RIN1: variants seen among roughly 807,000 people sequenced by gnomAD.
RIN1 encodes the protein ras inhibitor 1.
A neutral mutation model predicts 64.9 loss-of-function variants in RIN1; 52 were observed. The observed-to-expected ratio is 0.80, with a 90% CI of 0.64 to 1.01. The LOEUF is 1.01. Ranked by LOEUF, RIN1 falls within the 50% of genes least tolerant of loss-of-function variation. RIN1 has a pLI of 0.00. For missense variants in RIN1, 1,040 were observed against 1,064.5 expected (o/e 0.98, Z 0.32); for synonymous variants, 486 against 483.6 (o/e 1.00, Z -0.06).
chr11:66,333,860 G>C, intron 7 of RIN1, 59 bp downstream of exon 7: 1 of 1,457,300 alleles, frequency 6.9e-7, no homozygotes, highest in East Asian at 2.5e-5. Context: ...ACCTGCCGCT[G>C]GGGGGCCCGC....
chr11:66,331,914 T>A lies in RIN1; in HGVS notation c.*362A>T, dbSNP rs1854740275. 1 of 287,976 alleles carries A rather than the reference T, an allele frequency of 3.5e-6. No individual in the cohort carries two copies. Among genetic ancestry groups the A allele is most frequent in the Non-Finnish European group, 6.6e-6 (1 of 151,728 alleles). The allele number at this position is 287,976 out of a possible 1,614,324, so 17.8% of individuals were successfully genotyped here. ...CTTGGGTGGAGCCCTGCCTCAGCCATGCCCATGAGGGGAAGGGTAAAAGGA... is the reference window on the plus strand; with the variant it reads ...CTTGGGTGGAGCCCTGCCTCAGCCAAGCCCATGAGGGGAAGGGTAAAAGGA... On this transcript the variant is annotated 3_prime_UTR_variant, in exon 10 of 10. Coordinates refer to ENST00000311320, the MANE Select transcript of RIN1 (RefSeq NM_004292.3).
chr11:66,332,721 C>G lies in RIN1; in HGVS notation c.1907G>C (p.Ser636Thr). 1 of 1,525,536 alleles carries G rather than the reference C, an allele frequency of 6.6e-7. No individual in the cohort carries two copies. Among genetic ancestry groups the G allele is most frequent in the Non-Finnish European group, 8.8e-7 (1 of 1,137,694 alleles). 94.5% of individuals were successfully genotyped at this position (1,525,536 alleles called of 1,614,324 possible). ...HLLRVAYQDPSSGCTSKTLAV... is the reference protein window; with the variant it reads ...HLLRVAYQDPTSGCTSKTLAV... ...CAGGGTCTTGGAGGTGCAGCCACTG[C>G]TGGGATCCTGATAGGCTACTCGGAG... Residue 636 changes from serine (S) to threonine (T), a missense_variant, in exon 10 of 10, where the codon AGC becomes ACC. Transcript: ENST00000311320.
rs748357886 is a variant in RIN1, at chr11:66,335,109, C to T, written c.690G>A (p.Pro230=). 3.3e-5 allele frequency: 51 copies of T among 1,534,056 alleles called. No individual in the cohort carries two copies. The highest frequency in any genetic ancestry group is 1.8e-4 in the Middle Eastern group (1 of 5,698). ...AALCFFNPLF[P]GDLGPTKREK... ...CCCGCTTGGTGGGCCCTAGGTCCCC[C>T]GGGAACAGGGGGTTGAAGAAGCACA... The change falls in exon 6 of 10, where the codon CCG becomes CCA. Residue 230 remains proline (P), a synonymous_variant. Coordinates refer to ENST00000311320, the MANE Select transcript of RIN1 (RefSeq NM_004292.3).
rs952951484 is a variant in RIN1 at position 66,331,711 on chromosome 11, AGTG to A, written c.*562_*564del. ...TCTGGGAGCCGAGCAGGGCAGCAAT[AGTG>A]TCCCCACTTTACAGATGAGAGTACT... On this transcript the variant is annotated 3_prime_UTR_variant, in exon 10 of 10. Coordinates refer to ENST00000311320, the MANE Select transcript of RIN1 (RefSeq NM_004292.3). 6.5e-6 allele frequency: 1 copy of A among 153,120 alleles called. No homozygotes were observed. The highest frequency in any genetic ancestry group is 2.4e-5 in the African/African-American group (1 of 41,446). 9.5% of individuals were successfully genotyped at this position (153,120 alleles called of 1,614,324 possible).
chr11:66,336,197 GC>G (rs1401323556), intron 1 of RIN1, 39 bp from the exon 2 acceptor site: 1 of 1,477,054 alleles, frequency 6.8e-7, no homozygotes, highest in Admixed American at 2.2e-5. Context: ...GGAGCCAGGG[GC>G]TGGGACCCTT....
intron 1 of RIN1, 41 bp downstream of exon 1, chr11:66,336,276 C>T (rs1477788083): frequency 6.4e-7 from 1 of 1,564,290 alleles, no homozygotes; most frequent in Admixed American, 1.8e-5. Context: ...CTCTCGCAGC[C>T]CCTCCCTGCC....
upstream of RIN1, chr11:66,336,474 C>A: frequency 7.4e-7 from 1 of 1,358,904 alleles, no homozygotes; most frequent in Non-Finnish European, 1.0e-6. Context: ...CAGTGAGTAA[C>A]ACTTCCTGAG....
chr11:66,336,438 G>C (rs1555014094), upstream of RIN1: 2 of 1,583,992 alleles, frequency 1.3e-6, no homozygotes, highest in Non-Finnish European at 1.7e-6. Flanking sequence ...AGAGAATCCA[G>C]TCCCAAGGCA....
Position 66,333,313 on chromosome 11 carries a change from C to T in RIN1, c.1820G>A (p.Arg607Gln), listed in dbSNP as rs756350676. 112 of 1,612,780 alleles carry T rather than the reference C, an allele frequency of 6.9e-5. No homozygotes were observed. Among genetic ancestry groups the T allele is most frequent in the Admixed American group, 1.0e-4 (6 of 59,982 alleles). The change falls in exon 9 of 10, where the codon CGG (arginine) becomes CAG (glutamine). Residue 607 changes from arginine to glutamine, a missense_variant. Transcript: ENST00000311320. ...TLPLSPVQEL[R>Q]RSLSLWEQRR... ...CTGCTCCCAGAGGCTGAGGGAGCGC[C>T]GTAGCTCCTGCACGGGGCTCAGTGG... is the stretch of plus-strand genomic sequence containing the variant.
At position 66,333,993 on chromosome 11, in the gene RIN1, T is replaced by C; in HGVS notation, c.1517A>G (p.Tyr506Cys). Residue 506 changes from tyrosine to cysteine, a missense_variant, in exon 7 of 10, where the codon TAC becomes TGC. Transcript: ENST00000311320. The part of the protein sequence containing the change: ...RQKLLQLLRT[Y>C]SPSAQVKRLL... ...CCGCTTGACCTGGGCGCTGGGTGAG[T>C]AGGTGCGGAGCAGCTGCAGCAGCTT... 6.4e-7 allele frequency: 1 copy of C among 1,563,372 alleles called. No homozygotes were observed. The highest frequency in any genetic ancestry group is 1.2e-5 in the South Asian group (1 of 85,048).
Position 66,335,965 on chromosome 11 carries a change from G to A in RIN1, c.267+13C>T. ...CTGGCTGGCCAGTCCCTGGAGTGTG[G>A]GGCAAGACTCACCCCCGGGGGCTCG... On this transcript the variant is annotated intron_variant, in intron 2 of 9. Transcript: ENST00000311320. The A allele has an allele frequency of 6.8e-7, 1 of 1,481,228 alleles. No individual in the cohort carries two copies. Among genetic ancestry groups the A allele is most frequent in the Non-Finnish European group, 9.0e-7 (1 of 1,115,440 alleles). 91.8% of individuals were successfully genotyped at this position (1,481,228 alleles called of 1,614,324 possible).
chr11:66,335,982 G>A lies in RIN1; in HGVS notation c.263C>T (p.Pro88Leu), dbSNP rs200057399. ...AALHMLRTEP[P>L]GTFLVRKSNT... ...GGAGTGTGGGGCAAGACTCACCCCC[G>A]GGGGCTCGGTCCTCAGCATGTGCAG... Residue 88 changes from proline to leucine, a missense_variant, in exon 2 of 10, where the codon CCG becomes CTG. Coordinates refer to ENST00000311320, the MANE Select transcript of RIN1 (RefSeq NM_004292.3). 2.0e-4 allele frequency: 292 copies of A among 1,474,764 alleles called. 1 individual carries two copies. In the African/African-American group the frequency reaches 2.8e-3, roughly 14 times the overall value. 91.4% of individuals were successfully genotyped at this position (1,474,764 alleles called of 1,614,324 possible).
chr11:66,333,151 A>AAAG, intron 9 of RIN1, 107 bp downstream of exon 9: 2 of 1,378,652 alleles, frequency 1.5e-6, no homozygotes, highest in Non-Finnish European at 2.0e-6. Flanking sequence ...CAGAGCCAGG[A>AAAG]TTAGAACCCA....
chr11:66,332,885 C>A, intron 9 of RIN1, 133 bp from the exon 10 acceptor site: 6 of 734,248 alleles, frequency 8.2e-6, no homozygotes, highest in Non-Finnish European at 1.3e-5. Flanking sequence ...GAGAACCAAG[C>A]GGCAAAAGCT....
chr11:66,335,747 A>G lies in RIN1; in HGVS notation c.382+15T>C, dbSNP rs1361908162. On this transcript the variant is annotated intron_variant, in intron 3 of 9. Transcript: ENST00000311320. Reference sequence around the variant, plus strand: ...TCCCTGCTTCCAGCCCCTTCCCGCCAGGCCAGCCCCTCACCGCCAGGGCTC... The same window carrying G: ...TCCCTGCTTCCAGCCCCTTCCCGCCGGGCCAGCCCCTCACCGCCAGGGCTC... 2.5e-6 allele frequency: 4 copies of G among 1,611,046 alleles called. No homozygotes were observed. Among genetic ancestry groups the G allele is most frequent in the Non-Finnish European group, 3.4e-6 (4 of 1,178,878 alleles).
rs1478085789 is a variant in RIN1, at chr11:66,331,759, C to T, written c.*517G>A. ...AGTACTGAGGCTTGCAGGTGCAGGT[C>T]CTTCTGGTGTCCAGGACAGGGGTGG... On this transcript the variant is annotated 3_prime_UTR_variant, in exon 10 of 10. Coordinates refer to ENST00000311320, the MANE Select transcript of RIN1 (RefSeq NM_004292.3). 1 of 159,598 alleles carries T rather than the reference C, an allele frequency of 6.3e-6. No individual in the cohort carries two copies. The highest frequency in any genetic ancestry group is 1.9e-4 in the East Asian group (1 of 5,390). 9.9% of individuals were successfully genotyped at this position (159,598 alleles called of 1,614,324 possible).
chr11:66,335,971 G>C lies in RIN1; in HGVS notation c.267+7C>G. ...GGCCAGTCCCTGGAGTGTGGGGCAA[G>C]ACTCACCCCCGGGGGCTCGGTCCTC... is the stretch of plus-strand genomic sequence containing the variant. On this transcript the variant is annotated splice_region_variant and intron_variant, in intron 2 of 9. Coordinates refer to ENST00000311320, the MANE Select transcript of RIN1 (RefSeq NM_004292.3). 1 of 1,480,188 alleles carries C rather than the reference G, an allele frequency of 6.8e-7. No homozygotes were observed. Among genetic ancestry groups the C allele is most frequent in the Non-Finnish European group, 9.0e-7 (1 of 1,114,978 alleles). 91.7% of individuals were successfully genotyped at this position (1,480,188 alleles called of 1,614,324 possible). A position where few individuals can be genotyped will look rare whatever the true frequency, so the allele number is the denominator to read the frequency against.
rs1040859762 is a variant in RIN1 at position 66,330,889 on chromosome 11, G to T, written c.*1387C>A. 1.3e-5 allele frequency: 2 copies of T among 152,420 alleles called. No homozygotes were observed. Among genetic ancestry groups the T allele is most frequent in the East Asian group, 3.9e-4 (2 of 5,188 alleles). The allele number at this position is 152,420 out of a possible 1,614,324, so 9.4% of individuals were successfully genotyped here. A position where few individuals can be genotyped will look rare whatever the true frequency, so the allele number is the denominator to read the frequency against. ...TCAGTGCCCGAGGAGAGAGCCTCTG[G>T]GGTCATCCTCCATAAGGGGACAATT... On this transcript the variant is annotated 3_prime_UTR_variant, in exon 10 of 10. Transcript: ENST00000311320.
In RIN1 at chr11:66,333,661, G is replaced by A. The variant is rs954488202; in HGVS notation, c.1592-3C>T. 3.7e-6 allele frequency: 6 copies of A among 1,609,322 alleles called. No homozygotes were observed. The highest frequency in any genetic ancestry group is 4.2e-6 in the Non-Finnish European group (5 of 1,177,902). On this transcript the variant is annotated splice_region_variant and splice_polypyrimidine_tract_variant and intron_variant, in intron 7 of 9. Transcript: ENST00000311320. The stretch of plus-strand genomic sequence containing the variant: ...CTCGTCGGCACCCGCGCCCTCCCCT[G>A]TGGGGACATGGTGAGAGGAAGAAGC...
Sources: gnomAD v4.1 joint callset for allele counts on GRCh38, gnomAD v4.1.1 for gene constraint, MANE v1.5 for transcripts, NCBI Gene and HGNC (gene_info 2026-07-23, HGNC 2026-07-21) for gene names.